PRPH2: variants seen among roughly 807,000 people sequenced by gnomAD.
PRPH2 encodes the protein peripherin-2.
Under a neutral mutation model 31.3 loss-of-function variants are expected in PRPH2, and 17 were observed. The observed-to-expected ratio is 0.54, with a 90% confidence interval of 0.37 to 0.81. PRPH2 has a LOEUF of 0.81. Among genes scored for constraint, PRPH2 ranks in the 40% least tolerant of loss-of-function variants. The pLI, the probability that PRPH2 is intolerant of heterozygous loss-of-function variation, is 0.00. For missense variants in PRPH2, 430 were observed against 439.7 expected, an observed-to-expected ratio of 0.98 and a Z score of 0.20; for synonymous variants, 165 against 184.4, an observed-to-expected ratio of 0.89 and a Z score of 0.85.
chr6:42,704,460 G>A lies in PRPH2; in HGVS notation c.733C>T (p.Leu245=), dbSNP rs770036712. The change falls in exon 2 of 3, where the codon CTG becomes TTG. Residue 245 remains leucine (L), a synonymous_variant. Coordinates refer to ENST00000230381, the MANE Select transcript of PRPH2 (RefSeq NM_000322.5). ...SYDHQTEELN[L]WVRGCRAALL... Reference sequence around the variant, plus strand: ...GCAGCCCTGCAGCCACGCACCCACAGGTTGAGCTCCTCCGTCTGGTGGTCG... The same window carrying A: ...GCAGCCCTGCAGCCACGCACCCACAAGTTGAGCTCCTCCGTCTGGTGGTCG... The A allele has an allele frequency of 1.9e-6, 3 of 1,613,554 alleles. No homozygotes were observed. Among genetic ancestry groups the A allele is most frequent in the African/African-American group, 1.3e-5 (1 of 74,914 alleles).
intron 2 of PRPH2, among the ~76,000 whole-genome samples, chr6:42,701,406 A>G (rs1028569824): frequency 6.6e-6 from 1 of 152,026 alleles, no homozygotes; most frequent in African/African-American, 2.4e-5. Context: ...TACAGGCATA[A>G]GCCACCGCGC....
intron 1 of PRPH2, among the ~76,000 whole-genome samples, chr6:42,719,201 C>T (rs1761848557): frequency 6.6e-6 from 1 of 150,618 alleles, no homozygotes; most frequent in Non-Finnish European, 1.5e-5. Flanking sequence ...TCGAGTCTCA[C>T]ACTGTCTCCC....
intron 1 of PRPH2, among the ~76,000 whole-genome samples, chr6:42,719,475 C>T (rs1271013923): frequency 6.6e-6 from 1 of 151,386 alleles, no homozygotes; most frequent in Non-Finnish European, 1.5e-5. Context: ...CACCTGGCTT[C>T]AGTGGACTTC....
At position 42,704,121 on chromosome 6, in the gene PRPH2, A is replaced by T. The variant is rs555942731; in HGVS notation, c.828+244T>A. ...CCTCAAAATAAAAAAAAAATAAAAAAAATAAATTTAAGTGGTGGGAAAGAA... is the reference window on the plus strand; with the variant it reads ...CCTCAAAATAAAAAAAAAATAAAAATAATAAATTTAAGTGGTGGGAAAGAA... On this transcript the variant is annotated intron_variant, in intron 2 of 2. Transcript: ENST00000230381. 0.077 allele frequency among the ~76,000 whole-genome samples: 10,921 copies of T among 142,524 alleles called. 575 individuals are homozygous for T. Among genetic ancestry groups the T allele is most frequent in the Non-Finnish European group, 0.11 (7,195 of 65,078 alleles). 93.5% of individuals were successfully genotyped at this position (142,524 alleles called of 152,430 possible).
At chr6:42,712,605 C>T (rs190495671) in intron 1 of PRPH2, among the ~76,000 whole-genome samples, 15 of 152,080 alleles carry the variant, frequency 9.9e-5, no homozygotes, top group African/African-American at 2.2e-4. Flanking sequence ...GTGATAGGGA[C>T]GGGGTTTCAC....
chr6:42,709,334 T>TAAAAAAAAAAAAAAA (rs58632063), intron 1 of PRPH2, among the ~76,000 whole-genome samples: 3 of 77,044 alleles, frequency 3.9e-5, no homozygotes, highest in East Asian at 4.1e-4. Flanking sequence ...TGTCTCAAAT[T>TAAAAAAAAAAAAAAA]AAAAAAAAAA....
chr6:42,702,027 G>T (rs961821120), intron 2 of PRPH2, among the ~76,000 whole-genome samples: 1 of 151,670 alleles, frequency 6.6e-6, no homozygotes. Context: ...GATCACCTGT[G>T]GTCAGGAATT....
Position 42,705,584 on chromosome 6 carries a change from AAAAAAAAAAAAAAAAATATATATATAT to A in PRPH2, c.582-1000_582-974del, listed in dbSNP as rs1361890468. 3.5e-3 allele frequency among the ~76,000 whole-genome samples: 56 copies of A among 15,854 alleles called. 2 individuals are homozygous for A. Among genetic ancestry groups the A allele is most frequent in the South Asian group, 0.016 (7 of 436 alleles). The allele number at this position is 15,854 out of a possible 152,430, so 10.4% of individuals were successfully genotyped here. ...GAACAAGACTTTCTCTAAAAAAAAAAAAAAAAAAAAAAAAAATATATATATATATATATATATATATATATATTTGTG... is the reference window on the plus strand; with the variant it reads ...GAACAAGACTTTCTCTAAAAAAAAAAATATATATATATATATATATTTGTG... On this transcript the variant is annotated intron_variant, in intron 1 of 2. Coordinates refer to ENST00000230381, the MANE Select transcript of PRPH2 (RefSeq NM_000322.5).
chr6:42,707,540 C>G (rs1425240003), intron 1 of PRPH2, among the ~76,000 whole-genome samples: 1 of 152,164 alleles, frequency 6.6e-6, no homozygotes, highest in Non-Finnish European at 1.5e-5. Flanking sequence ...ACCTGTCCTC[C>G]ACAGCCACAT....
chr6:42,703,450 G>A (rs138123938), intron 2 of PRPH2, among the ~76,000 whole-genome samples: 93 of 152,260 alleles, frequency 6.1e-4, no homozygotes, highest in African/African-American at 2.1e-3. Flanking sequence ...TGCTGTTCAT[G>A]TTGCCTCCCA....
intron 1 of PRPH2, among the ~76,000 whole-genome samples, chr6:42,708,206 G>T (rs148038821): frequency 3.3e-5 from 5 of 152,154 alleles, no homozygotes; most frequent in Non-Finnish European, 5.9e-5. Context: ...GGAGTTGGCC[G>T]TGCAGGTTCT....
At position 42,722,497 on chromosome 6, in the gene PRPH2, T is replaced by TC; in HGVS notation, c.-164dup. On this transcript the variant is annotated 5_prime_UTR_variant, in exon 1 of 3. Transcript: ENST00000230381. This position sits in a 1 kb window ranked among gnomAD's most constrained non-coding sequence, Gnocchi z 4.4. The stretch of plus-strand genomic sequence containing the variant: ...CATGTCGAGTCCCACTAGCCTGGGA[T>TC]CCCCGTGAATGCAGTAGTGGTGGCA... The TC allele has an allele frequency of 6.7e-7, 1 of 1,500,534 alleles. No homozygotes were observed. The highest frequency in any genetic ancestry group is 1.3e-5 in the South Asian group (1 of 78,290). 93.0% of individuals were successfully genotyped at this position (1,500,534 alleles called of 1,614,324 possible).
At chr6:42,714,646 A>C (rs904585225) in intron 1 of PRPH2, among the ~76,000 whole-genome samples, 4 of 152,130 alleles carry the variant, frequency 2.6e-5, no homozygotes, top group Non-Finnish European at 5.9e-5. Flanking sequence ...CCTCCCAAGT[A>C]GCTGAGACTA....
intron 2 of PRPH2, among the ~76,000 whole-genome samples, chr6:42,701,645 T>A (rs947435815): frequency 2.0e-4 from 29 of 144,414 alleles, no homozygotes; most frequent in African/African-American, 7.1e-4. Context: ...AGTACCTGAG[T>A]AGCTGAGACT....
intron 1 of PRPH2, among the ~76,000 whole-genome samples, chr6:42,716,269 G>A (rs1056206176): frequency 1.3e-5 from 2 of 152,008 alleles, no homozygotes; most frequent in African/African-American, 4.8e-5. Flanking sequence ...ACAAAAAAAA[G>A]GAGAATTCTG....
Position 42,698,135 on chromosome 6 carries a change from T to A in PRPH2, c.*160A>T. On this transcript the variant is annotated 3_prime_UTR_variant, in exon 3 of 3. Transcript: ENST00000230381. ...ATTCAACAACTGTGTGTCAAATGCTTTTAGGGACCCTAAACTTAAATTCCA... is the reference window on the plus strand; with the variant it reads ...ATTCAACAACTGTGTGTCAAATGCTATTAGGGACCCTAAACTTAAATTCCA... 1 of 980,990 alleles carries A rather than the reference T, an allele frequency of 1.0e-6. No homozygotes were observed. The highest frequency in any genetic ancestry group is 2.4e-5 in the East Asian group (1 of 41,406). The allele number at this position is 980,990 out of a possible 1,614,324, so 60.8% of individuals were successfully genotyped here.
intron 1 of PRPH2, among the ~76,000 whole-genome samples, chr6:42,706,530 G>GA (rs2152006058): frequency 6.6e-6 from 1 of 150,928 alleles, no homozygotes; most frequent in South Asian, 2.1e-4. Context: ...ACTTGAGCCC[G>GA]AGACGCAGAG....
At chr6:42,719,362 GATGAGGTTTCACT>G (rs1761853886) in intron 1 of PRPH2, among the ~76,000 whole-genome samples, 2 of 151,844 alleles carry the variant, frequency 1.3e-5, no homozygotes, top group Non-Finnish European at 2.9e-5. Flanking sequence ...TTTTAGTAGA[GATGAGGTTTCACT>G]ATTTTGGTCA....
intron 2 of PRPH2, among the ~76,000 whole-genome samples, chr6:42,701,338 G>C (rs1038510305): frequency 6.6e-6 from 1 of 151,984 alleles, no homozygotes; most frequent in Non-Finnish European, 1.5e-5. Context: ...TGGTCAGGCT[G>C]GTTGCAAACT....
Sources: gnomAD v4.1 joint callset for allele counts (sites outside exome capture counted in the v4.1 genomes callset) on GRCh38, gnomAD v4.1.1 for gene constraint, Gnocchi (gnomAD v3.1) non-coding constraint, MANE v1.5 for transcripts, NCBI Gene and HGNC (gene_info 2026-07-23, HGNC 2026-07-21) for gene names.